Variants in NFATC3 observed in about 807,000 individuals in gnomAD.
NFATC3 encodes the protein nuclear factor of activated T-cells, cytoplasmic 3.
Under a neutral mutation model 98.6 loss-of-function variants are expected in NFATC3, and 46 were observed. The observed-to-expected ratio is 0.47, with a 90% CI of 0.37 to 0.60. NFATC3 has a LOEUF of 0.60. NFATC3 is among the 20% of genes least tolerant of loss of function. The pLI is 0.00. For synonymous variants in NFATC3, 512 were observed against 472.2 expected (o/e 1.08, Z -1.09); for missense variants, 1,256 against 1,295.5 (o/e 0.97, Z 0.47).
chr16:68,218,833 A>C (rs1261909337), intron 9 of NFATC3, among the ~76,000 whole-genome samples: 7 of 151,248 alleles, frequency 4.6e-5, no homozygotes, highest in Admixed American at 3.9e-4. Flanking sequence ...CGGCCTCCCA[A>C]AGTGCTGAGA....
chr16:68,147,075 A>G (rs577860844), intron 3 of NFATC3, among the ~76,000 whole-genome samples: 1 of 152,350 alleles, frequency 6.6e-6, no homozygotes, highest in East Asian at 1.9e-4. Context: ...GTTATGAAAT[A>G]TATTCCCTTT....
chr16:68,163,690 C>T (rs867598527), intron 4 of NFATC3, among the ~76,000 whole-genome samples: 10 of 146,818 alleles, frequency 6.8e-5, no homozygotes, highest in Middle Eastern at 3.6e-3. Flanking sequence ...TCTGACGGGG[C>T]GGCCGGGCAG....
intron 9 of NFATC3, among the ~76,000 whole-genome samples, chr16:68,222,849 C>T (rs377063378): frequency 5.3e-5 from 8 of 152,134 alleles, no homozygotes; most frequent in African/African-American, 1.4e-4. Flanking sequence ...TTAGAAGTCA[C>T]GCACAGAGAT....
intron 8 of NFATC3, among the ~76,000 whole-genome samples, chr16:68,186,633 C>G (rs1398020397): frequency 6.6e-6 from 1 of 152,196 alleles, no homozygotes; most frequent in Non-Finnish European, 1.5e-5. Flanking sequence ...TTCCTTTGAT[C>G]CACATATAAA....
intron 5 of NFATC3, among the ~76,000 whole-genome samples, chr16:68,170,973 G>GT (rs1186022343): frequency 4.6e-5 from 7 of 152,174 alleles, no homozygotes; most frequent in South Asian, 4.2e-4. Flanking sequence ...CACGCAAGTA[G>GT]TTTTTTGGCA....
intron 8 of NFATC3, among the ~76,000 whole-genome samples, chr16:68,186,734 A>C (rs1228444827): frequency 3.9e-5 from 6 of 152,256 alleles, no homozygotes; most frequent in Non-Finnish European, 8.8e-5. Flanking sequence ...AGAATTTTAC[A>C]GAATTGTAAT....
intron 9 of NFATC3, chr16:68,221,598 C>G (rs2041866748): frequency 2.8e-6 from 3 of 1,073,984 alleles, no homozygotes; most frequent in Non-Finnish European, 3.4e-6. Context: ...AAAGTCTGCC[C>G]CGTTGGAACT....
chr16:68,184,729 A>G (rs987687973), intron 8 of NFATC3, among the ~76,000 whole-genome samples: 10 of 151,926 alleles, frequency 6.6e-5, no homozygotes, highest in Admixed American at 2.6e-4. Flanking sequence ...GCGTGAACCC[A>G]GGAGGCAGAG....
intron 3 of NFATC3, among the ~76,000 whole-genome samples, chr16:68,145,764 A>G (rs116408771): frequency 2.0e-5 from 3 of 152,356 alleles, no homozygotes; most frequent in African/African-American, 4.8e-5. Context: ...TGACTGGGGT[A>G]GTAGTTATTT....
intron 1 of NFATC3, among the ~76,000 whole-genome samples, chr16:68,093,648 G>C (rs1041113814): frequency 6.6e-6 from 1 of 152,074 alleles, no homozygotes; most frequent in Non-Finnish European, 1.5e-5. Flanking sequence ...TTATGTGCAA[G>C]GTATTTTTAT....
rs1049889737 is a variant in NFATC3, at chr16:68,138,838, A to G, written c.1401+12228A>G. 4.2e-6 allele frequency: 5 copies of G among 1,187,252 alleles called. No homozygotes were observed. The African/African-American group carries it at 4.8e-5, about 11-fold the overall frequency. 73.5% of individuals were successfully genotyped at this position (1,187,252 alleles called of 1,614,324 possible). ...CACATGCTCCACACAGGAATAAATC[A>G]TGGCTAAGTCACTAATACGGGCTCT... On this transcript the variant is annotated intron_variant, in intron 3 of 9. Transcript: ENST00000346183.
At chr16:68,217,019 G>A (rs976433723) in intron 9 of NFATC3, among the ~76,000 whole-genome samples, 10 of 152,202 alleles carry the variant, frequency 6.6e-5, no homozygotes, top group Admixed American at 5.2e-4. Flanking sequence ...TCTTCAAATC[G>A]TGCATGTATT....
intron 9 of NFATC3, among the ~76,000 whole-genome samples, chr16:68,206,825 A>T (rs536000262): frequency 3.3e-4 from 50 of 152,098 alleles, no homozygotes; most frequent in African/African-American, 1.2e-3. Flanking sequence ...TCTATAAAAA[A>T]TTTAAAAATT....
chr16:68,191,338 G>A lies in NFATC3; in HGVS notation c.2669G>A (p.Gly890Glu), dbSNP rs1330680347. The change falls in exon 9 of 10, where the codon GGA (glycine) becomes GAA (glutamate). Residue 890 changes from glycine to glutamate, a missense_variant. Around this residue, in one of 3 missense-constraint regions of NFATC3, gnomAD observed 636 missense variants for 617.3 expected, o/e 1.03. Transcript: ENST00000346183. ...ATGGGATATCATTGTTCAAATACAG[G>A]ACAAAGATCTCTTTCTTCTCCAGTG... ...QSMGYHCSNT[G>E]QRSLSSPVAD... 6.2e-7 allele frequency: 1 copy of A among 1,614,110 alleles called. No individual in the cohort carries two copies. The highest frequency in any genetic ancestry group is 1.1e-5 in the South Asian group (1 of 91,080).
At chr16:68,176,649 A>G (rs1716396574) in intron 6 of NFATC3, among the ~76,000 whole-genome samples, 1 of 152,172 alleles carries the variant, frequency 6.6e-6, no homozygotes, top group South Asian at 2.1e-4. Context: ...TTGGGTTTGA[A>G]TTTCCCTGAT....
chr16:68,128,075 T>G (rs1378082433), intron 3 of NFATC3, among the ~76,000 whole-genome samples: 1 of 152,184 alleles, frequency 6.6e-6, no homozygotes, highest in East Asian at 1.9e-4. Flanking sequence ...AATGTGTTTG[T>G]TGCCTTTATA....
At chr16:68,222,745 C>T (rs773561693) in intron 9 of NFATC3, among the ~76,000 whole-genome samples, 10 of 152,166 alleles carry the variant, frequency 6.6e-5, no homozygotes, top group African/African-American at 1.7e-4. Flanking sequence ...GGTGTTTCCT[C>T]AGTGGCAAGG....
At chr16:68,115,172 G>T (rs549692495) in intron 1 of NFATC3, among the ~76,000 whole-genome samples, 6 of 147,512 alleles carry the variant, frequency 4.1e-5, no homozygotes, top group African/African-American at 1.5e-4. Context: ...CAAGTGATTC[G>T]CCTTGCCTCA....
In NFATC3 at chr16:68,210,297, C is replaced by CA. The variant is rs147338164; in HGVS notation, c.3107-16040dup. 6.4e-3 allele frequency among the ~76,000 whole-genome samples: 693 copies of CA among 107,540 alleles called. 4 individuals are homozygous for CA. Among genetic ancestry groups the CA allele is most frequent in the Middle Eastern group, 0.019 (4 of 208 alleles). The allele number at this position is 107,540 out of a possible 152,430, so 70.6% of individuals were successfully genotyped here. ...TGGGCGACAGAGTGAGATTCCTTCT[C>CA]AAAAAAAAAAAAAGAAAAAAAAAAA... On this transcript the variant is annotated intron_variant, in intron 9 of 9. Coordinates refer to ENST00000346183, the MANE Select transcript of NFATC3 (RefSeq NM_173165.3).
Sources: gnomAD v4.1 joint callset for allele counts (sites outside exome capture counted in the v4.1 genomes callset) on GRCh38, gnomAD v4.1.1 for gene constraint, gnomAD v4.1.1 regional missense constraint, MANE v1.5 for transcripts, NCBI Gene and HGNC (gene_info 2026-07-23, HGNC 2026-07-21) for gene names.